CFAP74: variants seen among roughly 807,000 people sequenced by gnomAD.
CFAP74 encodes cilia- and flagella-associated protein 74.
A neutral mutation model predicts 188.9 loss-of-function variants in CFAP74; 124 were observed. The observed-to-expected ratio is 0.66, with a 90% confidence interval of 0.57 to 0.76. The LOEUF is 0.76. Among genes scored for constraint, CFAP74 ranks in the 30% least tolerant of loss-of-function variants. The pLI is 0.00. For synonymous variants in CFAP74, 956 were observed against 916.7 expected (o/e 1.04, Z -0.77); for missense variants, 2,198 against 2,165.2 (o/e 1.02, Z -0.30).
chr1:1,927,123 C>T (rs919692178), intron 28 of CFAP74, 95 bp from the exon 29 acceptor site: 1 of 1,428,224 alleles, frequency 7.0e-7, no homozygotes, highest in African/African-American at 1.4e-5. Context: ...GTCCCAGGGT[C>T]CCAGGGTCCC....
At position 1,988,562 on chromosome 1, in the gene CFAP74, G is replaced by A. The variant is rs770664201; in HGVS notation, c.246C>T (p.Ser82=). ...GCTCCTCATGCATCTTATCCAGGGC[G>A]CTCAGGTTCTGCCGCAGGTGAAATG... The part of the protein sequence containing the change: ...TQAFHLRQNL[S]ALDKMHEEQE... Residue 82 remains serine (S), a synonymous_variant, in exon 4 of 39, where the codon AGC becomes AGT. Coordinates refer to ENST00000682832, the MANE Select transcript of CFAP74 (RefSeq NM_001304360.2). The A allele has an allele frequency of 2.8e-5, 45 of 1,613,242 alleles. No homozygotes were observed. The highest frequency in any genetic ancestry group is 3.7e-5 in the Non-Finnish European group (44 of 1,180,022).
rs774274275 is a variant in CFAP74, at chr1:1,987,005, C to T, written c.327G>A (p.Arg109=). 3 of 1,600,934 alleles carry T rather than the reference C, an allele frequency of 1.9e-6. No homozygotes were observed. Among genetic ancestry groups the T allele is most frequent in the East Asian group, 2.2e-5 (1 of 44,800 alleles). The change falls in exon 5 of 39, where the codon CGG becomes CGA. Residue 109 remains arginine (R), a synonymous_variant. Coordinates refer to ENST00000682832, the MANE Select transcript of CFAP74 (RefSeq NM_001304360.2). ...RGELRACRQR[R]DLIDKQQEAV... Reference sequence around the variant, plus strand: ...CCTCCTGCTGCTTGTCGATCAGGTCCCGCCTCTGCCGACAGGCGCGCAGCT... The same window carrying T: ...CCTCCTGCTGCTTGTCGATCAGGTCTCGCCTCTGCCGACAGGCGCGCAGCT...
intron 1 of CFAP74, among the ~76,000 whole-genome samples, chr1:1,997,555 A>G (rs1168703991): frequency 6.6e-6 from 1 of 152,248 alleles, no homozygotes; most frequent in Non-Finnish European, 1.5e-5. Context: ...CAACTTAGTA[A>G]TGTTGCTTGG....
At chr1:1,950,013 G>A (rs748068867) in intron 18 of CFAP74, among the ~76,000 whole-genome samples, 18 of 152,054 alleles carry the variant, frequency 1.2e-4, no homozygotes, top group Non-Finnish European at 2.6e-4. Flanking sequence ...TTAAGTTTTC[G>A]CTTCTCTTGG....
chr1:1,944,444 G>C lies in CFAP74; in HGVS notation c.2373C>G (p.Phe791Leu), dbSNP rs1242856918. 6.5e-7 allele frequency: 1 copy of C among 1,535,964 alleles called. No homozygotes were observed. Among genetic ancestry groups the C allele is most frequent in the African/African-American group, 1.4e-5 (1 of 73,068 alleles). The change falls in exon 21 of 39, where the codon TTC becomes TTG. Residue 791 changes from phenylalanine to leucine, a missense_variant. Physicochemically the swap from Phe to Leu is conservative, Grantham distance 22. Transcript: ENST00000682832. ...CATCGATGGCCACGCCCACGACCCT[G>C]AAATGCAGCTGCATATGGACACAGG... ...FKNPQCPTLHFRVVGVAIDVP... is the reference protein window; with the variant it reads ...FKNPQCPTLHLRVVGVAIDVP...
Position 1,971,998 on chromosome 1 carries a change from G to A in CFAP74, c.870C>T (p.Gly290=). ...GGCCTACCCGGTTCGCGGAGATGCT[G>A]CCCTTCAGCGCCACCACCGCATCCA... The part of the protein sequence containing the change: ...RRMDAVVALK[G]SISANRDTLR... Residue 290 remains glycine, a synonymous_variant, in exon 9 of 39, where the codon GGC becomes GGT. Transcript: ENST00000682832. 6.2e-7 allele frequency: 1 copy of A among 1,611,220 alleles called. No individual in the cohort carries two copies. The highest frequency in any genetic ancestry group is 1.7e-4 in the Middle Eastern group (1 of 6,060).
Position 1,966,534 on chromosome 1 carries a change from CG to C in CFAP74, c.1246-9del. On this transcript the variant is annotated splice_polypyrimidine_tract_variant and intron_variant, in intron 11 of 38. Transcript: ENST00000682832. ...TGCAGCAGCCTCGTAGTCCTGCAGT[CG>C]GGGAGAGGAACATCGCAAAGACACG... 6.5e-7 allele frequency: 1 copy of C among 1,528,208 alleles called. No homozygotes were observed. 94.7% of individuals were successfully genotyped at this position (1,528,208 alleles called of 1,614,324 possible).
intron 24 of CFAP74, 65 bp downstream of exon 24, chr1:1,939,529 T>C: frequency 6.9e-7 from 1 of 1,453,066 alleles, no homozygotes; most frequent in Non-Finnish European, 9.2e-7. Context: ...CAGTGGCCGC[T>C]GCATCCTGTC....
At chr1:1,956,499 C>T (rs1048814975) in intron 17 of CFAP74, 121 bp downstream of exon 17, 3 of 1,222,222 alleles carry the variant, frequency 2.5e-6, no homozygotes, top group East Asian at 4.8e-5. Flanking sequence ...GGCCCCCACA[C>T]TGCCCTCCTT....
At chr1:1,997,751 G>T (rs895484161) in intron 1 of CFAP74, among the ~76,000 whole-genome samples, 1 of 152,148 alleles carries the variant, frequency 6.6e-6, no homozygotes, top group African/African-American at 2.4e-5. Context: ...AGCATGAAAG[G>T]AGACAGACAT....
chr1:1,981,282 G>A (rs1054904832), intron 6 of CFAP74, among the ~76,000 whole-genome samples: 3 of 152,216 alleles, frequency 2.0e-5, no homozygotes, highest in Non-Finnish European at 4.4e-5. Flanking sequence ...GACGACAAAA[G>A]GAGTCACCAC....
chr1:1,975,044 G>A lies in CFAP74; in HGVS notation c.501-846C>T, dbSNP rs1656350557. On this transcript the variant is annotated intron_variant, in intron 6 of 38. Coordinates refer to ENST00000682832, the MANE Select transcript of CFAP74 (RefSeq NM_001304360.2). The surrounding 1 kb of genome is among the most constrained non-coding windows in gnomAD (Gnocchi z 4.5). ...ACGCGAGGATCAGAACCCTGGACAA[G>A]GTCAGACGCAGGCGTTGAGCCGGCA... Among the ~76,000 whole-genome samples, 1 of 152,258 alleles carries A rather than the reference G, an allele frequency of 6.6e-6. No homozygotes were observed. The highest frequency in any genetic ancestry group is 1.5e-5 in the Non-Finnish European group (1 of 68,042).
chr1:1,929,945 T>A (rs1652229678), intron 26 of CFAP74, 115 bp downstream of exon 26: 11 of 1,213,370 alleles, frequency 9.1e-6, no homozygotes, highest in Non-Finnish European at 1.2e-5. Context: ...CTCCCGCCCC[T>A]GTTCTCCGGG....
intron 28 of CFAP74, chr1:1,927,265 T>A (rs904629391): frequency 2.0e-5 from 12 of 594,098 alleles, no homozygotes; most frequent in Admixed American, 1.5e-4. Context: ...GGCAGGTGCC[T>A]TTGGCCCCTG....
In CFAP74 at chr1:1,972,098, T is replaced by TA; in HGVS notation, c.786-17dup. The TA allele has an allele frequency of 1.9e-6, 3 of 1,598,882 alleles. No individual in the cohort carries two copies. Among genetic ancestry groups the TA allele is most frequent in the Non-Finnish European group, 2.6e-6 (3 of 1,169,736 alleles). The stretch of plus-strand genomic sequence containing the variant: ...CTCTCGGATTCTGAGGAAGGACATT[T>TA]AAACATTTTTGAGGCTCTGTCGCCC... On this transcript the variant is annotated splice_polypyrimidine_tract_variant and intron_variant, in intron 8 of 38. Coordinates refer to ENST00000682832, the MANE Select transcript of CFAP74 (RefSeq NM_001304360.2).
chr1:1,933,265 G>T (rs1428655908), intron 25 of CFAP74, among the ~76,000 whole-genome samples: 1 of 149,574 alleles, frequency 6.7e-6, no homozygotes, highest in Non-Finnish European at 1.5e-5. Context: ...CTCACTGCAA[G>T]CTCTGCCTCC....
chr1:1,966,373 G>T lies in CFAP74; in HGVS notation c.1399C>A (p.Gln467Lys). The change falls in exon 12 of 39, where the codon CAG (glutamine) becomes AAG (lysine). Residue 467 changes from glutamine (Q) to lysine (K), a missense_variant and splice_region_variant. Coordinates refer to ENST00000682832, the MANE Select transcript of CFAP74 (RefSeq NM_001304360.2). Reference protein sequence around the residue: ...GLWNEDYKPYQVPKEDVDRKP... With the variant: ...GLWNEDYKPYKVPKEDVDRKP... ...TCTAAAGGAGCAGGAGCTGATACCT[G>T]GTATGGCTTGTAGTCTTCATTCCAA... 2 of 1,538,046 alleles carry T rather than the reference G, an allele frequency of 1.3e-6. No homozygotes were observed. The highest frequency in any genetic ancestry group is 1.2e-5 in the South Asian group (1 of 82,610).
intron 18 of CFAP74, among the ~76,000 whole-genome samples, chr1:1,951,844 G>A (rs1013340252): frequency 4.2e-5 from 6 of 143,800 alleles, no homozygotes; most frequent in African/African-American, 1.5e-4. Context: ...GCTGAGATGA[G>A]TGGATCACTT....
At chr1:1,993,859 A>G (rs113317828) in intron 1 of CFAP74, among the ~76,000 whole-genome samples, 4,372 of 150,572 alleles carry the variant, frequency 0.029, 88 homozygotes, top group African/African-American at 0.042. Context: ...GCGGGCGCCT[A>G]TAGTCCCAGC....
Sources: gnomAD v4.1 joint callset for allele counts (sites outside exome capture counted in the v4.1 genomes callset) on GRCh38, gnomAD v4.1.1 for gene constraint, Gnocchi (gnomAD v3.1) non-coding constraint, MANE v1.5 for transcripts, NCBI Gene and HGNC (gene_info 2026-07-23, HGNC 2026-07-21) for gene names.